The following SLC25A21 variants were observed in gnomAD, a reference collection of about 807,000 sequenced individuals.
SLC25A21 encodes the protein solute carrier family 25 member 21.
In SLC25A21, 47 loss-of-function variants were observed where a neutral mutation model predicts 43.8. That is an observed-to-expected ratio of 1.07 (90% CI 0.85 to 1.37). SLC25A21 has a LOEUF of 1.37. SLC25A21 is among the 40% of genes most tolerant of loss of function. SLC25A21 has a pLI of 0.00. For missense variants in SLC25A21, 352 were observed against 350.2 expected, an observed-to-expected ratio of 1.00 and a Z score of -0.04; for synonymous variants, 131 against 121.3, an observed-to-expected ratio of 1.08 and a Z score of -0.52.
In SLC25A21 at chr14:36,764,192, G is replaced by GAAAGAAAGAAAGAAAGAA. The variant is rs141041432; in HGVS notation, c.204-29620_204-29619insTTCTTTCTTTCTTTCTTT. Among the ~76,000 whole-genome samples, 287 of 55,306 alleles carry GAAAGAAAGAAAGAAAGAA rather than the reference G, an allele frequency of 5.2e-3. 26 individuals are homozygous for GAAAGAAAGAAAGAAAGAA. The highest frequency in any genetic ancestry group is 0.027 in the Middle Eastern group (3 of 112). The allele number at this position is 55,306 out of a possible 152,430, so 36.3% of individuals were successfully genotyped here. A position where few individuals can be genotyped will look rare whatever the true frequency, so the allele number is the denominator to read the frequency against. On this transcript the variant is annotated intron_variant, in intron 3 of 9. Coordinates refer to ENST00000331299, the MANE Select transcript of SLC25A21 (RefSeq NM_030631.4). ...AGAAAGAAAGAAAGAAAGAAAGAAA[G>GAAAGAAAGAAAGAAAGAA]AGAAAGAAAGAAACTGTTAGCTTCC...
chr14:36,977,759 T>G (rs2138694868), intron 1 of SLC25A21, among the ~76,000 whole-genome samples: 1 of 152,268 alleles, frequency 6.6e-6, no homozygotes, highest in Non-Finnish European at 1.5e-5. Context: ...AAGTAATGTA[T>G]TACTTAATTT....
intron 3 of SLC25A21, among the ~76,000 whole-genome samples, chr14:36,810,009 C>CT (rs530426698): frequency 5.9e-5 from 9 of 152,178 alleles, no homozygotes; most frequent in Middle Eastern, 6.8e-3. Context: ...TCTTTCGTTT[C>CT]TTTTTTTGTT....
intron 3 of SLC25A21, among the ~76,000 whole-genome samples, chr14:36,785,279 T>C (rs1011598978): frequency 6.6e-6 from 1 of 152,238 alleles, no homozygotes; most frequent in Non-Finnish European, 1.5e-5. Context: ...CTGATTCTAT[T>C]TGGATCTTGG....
chr14:36,944,487 T>C (rs1030912580), intron 1 of SLC25A21, among the ~76,000 whole-genome samples: 2 of 152,038 alleles, frequency 1.3e-5, no homozygotes, highest in African/African-American at 4.8e-5. Flanking sequence ...GGAGGAAACA[T>C]CACAGATAGT....
At chr14:37,149,968 A>G (rs746485159) in intron 1 of SLC25A21, among the ~76,000 whole-genome samples, 2 of 152,224 alleles carry the variant, frequency 1.3e-5, no homozygotes, top group Non-Finnish European at 2.9e-5. Flanking sequence ...AATCCACAAC[A>G]TAATATGTAT....
intron 1 of SLC25A21, among the ~76,000 whole-genome samples, chr14:37,115,568 C>G (rs369321975): frequency 1.9e-3 from 286 of 152,328 alleles, no homozygotes; most frequent in African/African-American, 6.3e-3. Context: ...TGCAAAAACA[C>G]TAACAATTCA....
At chr14:37,139,080 C>G (rs1963529719) in intron 1 of SLC25A21, among the ~76,000 whole-genome samples, 1 of 152,056 alleles carries the variant, frequency 6.6e-6, no homozygotes, top group Admixed American at 6.5e-5. Context: ...TCGCATTAAT[C>G]CATCACAAAT....
chr14:36,714,478 C>T (rs1648565651), intron 6 of SLC25A21, among the ~76,000 whole-genome samples: 1 of 152,196 alleles, frequency 6.6e-6, no homozygotes, highest in South Asian at 2.1e-4. Flanking sequence ...ATAAATTGGC[C>T]TCTTCCTTAT....
At chr14:36,857,489 C>G in intron 2 of SLC25A21, among the ~76,000 whole-genome samples, 1 of 152,204 alleles carries the variant, frequency 6.6e-6, no homozygotes, top group South Asian at 2.1e-4. Flanking sequence ...ACCTTGCCCC[C>G]TTTCCACAAA....
At chr14:37,040,753 G>A (rs972985404) in intron 1 of SLC25A21, among the ~76,000 whole-genome samples, 5 of 151,930 alleles carry the variant, frequency 3.3e-5, no homozygotes, top group African/African-American at 4.8e-5. Context: ...ACTTGGAGAC[G>A]TGGACAGATG....
chr14:37,005,506 A>C (rs1960582947), intron 1 of SLC25A21, among the ~76,000 whole-genome samples: 1 of 152,228 alleles, frequency 6.6e-6, no homozygotes, highest in South Asian at 2.1e-4. Flanking sequence ...AGAAAATAAA[A>C]AGGGTTTGTA....
intron 2 of SLC25A21, among the ~76,000 whole-genome samples, chr14:36,853,961 A>G (rs894796300): frequency 6.6e-6 from 1 of 152,200 alleles, no homozygotes; most frequent in African/African-American, 2.4e-5. Flanking sequence ...AACCAGAAGT[A>G]TATGTTTAAG....
intron 1 of SLC25A21, among the ~76,000 whole-genome samples, chr14:36,926,401 GA>G (rs981248937): frequency 2.6e-5 from 4 of 151,304 alleles, no homozygotes; most frequent in Non-Finnish European, 2.9e-5. Context: ...AAGAATAAAA[GA>G]AAAAAAATGA....
rs141677993 is a variant in SLC25A21 at position 36,813,918 on chromosome 14, C to T, written c.203G>A (p.Gly68Glu). 9.5e-6 allele frequency: 15 copies of T among 1,576,742 alleles called. No individual in the cohort carries two copies. Among genetic ancestry groups the T allele is most frequent in the Non-Finnish European group, 1.3e-5 (15 of 1,151,302 alleles). The change falls in exon 3 of 10, where the codon GGG (glycine) becomes GAG (glutamate). Residue 68 changes from glycine (G) to glutamate (E), a missense_variant and splice_region_variant. Physicochemically the swap from Gly to Glu is moderately conservative, Grantham distance 98. Transcript: ENST00000331299. ...DSFRMIFQME[G>E]LFGFYKGILP... Reference sequence around the variant, plus strand: ...ATGGCTATATGAAGAATATACATACCCTTCCATTTGGAAAATCATTCGAAA... The same window carrying T: ...ATGGCTATATGAAGAATATACATACTCTTCCATTTGGAAAATCATTCGAAA...
chr14:37,170,754 C>G (rs1025053948), intron 1 of SLC25A21, among the ~76,000 whole-genome samples: 5 of 151,118 alleles, frequency 3.3e-5, no homozygotes, highest in African/African-American at 1.2e-4. Flanking sequence ...TGGTGAAACC[C>G]TGACTCTACA....
chr14:36,741,700 C>A (rs1885270129), intron 3 of SLC25A21, among the ~76,000 whole-genome samples: 2 of 152,196 alleles, frequency 1.3e-5, no homozygotes, highest in Non-Finnish European at 2.9e-5. Context: ...CACTCACACA[C>A]AGCATGAGAA....
In SLC25A21 at chr14:36,679,087, A is replaced by G; in HGVS notation, c.*1571T>C. The G allele has an allele frequency of 1.0e-6, 1 of 985,454 alleles. No homozygotes were observed. The highest frequency in any genetic ancestry group is 1.1e-4 in the East Asian group (1 of 8,820). 61.0% of individuals were successfully genotyped at this position (985,454 alleles called of 1,614,324 possible). Reference sequence around the variant, plus strand: ...ATGGAGAGGTTAAAGGTTCAATTTCATGACCTCTATGCAGGCAGCGCTCTC... The same window carrying G: ...ATGGAGAGGTTAAAGGTTCAATTTCGTGACCTCTATGCAGGCAGCGCTCTC... On this transcript the variant is annotated 3_prime_UTR_variant, in exon 10 of 10. Coordinates refer to ENST00000331299, the MANE Select transcript of SLC25A21 (RefSeq NM_030631.4).
intron 3 of SLC25A21, among the ~76,000 whole-genome samples, chr14:36,761,739 T>C (rs1886165061): frequency 6.6e-6 from 1 of 151,214 alleles, no homozygotes; most frequent in Admixed American, 6.6e-5. Context: ...ACTATTACAG[T>C]ATTTAGGAAA....
At chr14:37,116,613 A>G (rs539422630) in intron 1 of SLC25A21, among the ~76,000 whole-genome samples, 1 of 152,306 alleles carries the variant, frequency 6.6e-6, no homozygotes, top group Non-Finnish European at 1.5e-5. Flanking sequence ...AAAAAAAATA[A>G]TGTCATTAAA....
Sources: gnomAD v4.1 joint callset for allele counts (sites outside exome capture counted in the v4.1 genomes callset) on GRCh38, gnomAD v4.1.1 for gene constraint, MANE v1.5 for transcripts, NCBI Gene and HGNC (gene_info 2026-07-23, HGNC 2026-07-21) for gene names.